KAZN: variants seen among roughly 807,000 people sequenced by gnomAD.
KAZN encodes kazrin.
In KAZN, 40 loss-of-function variants were observed where a neutral mutation model predicts 87.4. The observed-to-expected ratio is 0.46, with a 90% CI of 0.36 to 0.60. The LOEUF is 0.60. Among genes scored for constraint, KAZN ranks in the 20% least tolerant of loss-of-function variants. KAZN has a pLI of 0.00. For synonymous variants in KAZN, 466 were observed against 458.3 expected, an observed-to-expected ratio of 1.02 and a Z score of -0.22; for missense variants, 898 against 1,073.9, an observed-to-expected ratio of 0.84 and a Z score of 2.29.
At chr1:14,944,836 G>A (rs979642046) in intron 1 of KAZN, among the ~76,000 whole-genome samples, 24 of 152,228 alleles carry the variant, frequency 1.6e-4, no homozygotes, top group African/African-American at 5.5e-4. Flanking sequence ...ATATCAGCCC[G>A]CAGCAAGGCC....
At chr1:13,976,667 A>G (rs1386412278) in intron 1 of KAZN, among the ~76,000 whole-genome samples, 1 of 152,150 alleles carries the variant, frequency 6.6e-6, no homozygotes, top group Admixed American at 6.6e-5. Flanking sequence ...ACATGAATAT[A>G]AATGCATTTG....
chr1:14,857,285 G>A (rs1203554622), intron 1 of KAZN, among the ~76,000 whole-genome samples: 3 of 152,194 alleles, frequency 2.0e-5, no homozygotes, highest in Non-Finnish European at 4.4e-5. Flanking sequence ...AGCACTTTGG[G>A]AGGCTGAGGT....
chr1:14,678,087 T>C (rs1640342706), intron 1 of KAZN, among the ~76,000 whole-genome samples: 1 of 151,968 alleles, frequency 6.6e-6, no homozygotes, highest in Non-Finnish European at 1.5e-5. Context: ...AAGTGTCGAC[T>C]GGATTGGACT....
intron 2 of KAZN, among the ~76,000 whole-genome samples, chr1:14,527,527 C>G (rs1671944746): frequency 7.6e-6 from 1 of 132,016 alleles, no homozygotes; most frequent in Admixed American, 8.1e-5. Flanking sequence ...CCAGCCTGGG[C>G]AACAGAGTGA....
At chr1:14,497,757 G>C (rs559318259) in intron 2 of KAZN, among the ~76,000 whole-genome samples, 1 of 152,120 alleles carries the variant, frequency 6.6e-6, no homozygotes, top group South Asian at 2.1e-4. Flanking sequence ...ACAGCCACCC[G>C]ATCAACATAT....
intron 1 of KAZN, among the ~76,000 whole-genome samples, chr1:14,814,006 C>T (rs1336760528): frequency 1.3e-5 from 2 of 152,186 alleles, no homozygotes; most frequent in African/African-American, 2.4e-5. Context: ...GCCAGGGTAT[C>T]ACCATAACTT....
intron 2 of KAZN, among the ~76,000 whole-genome samples, chr1:14,541,093 T>A (rs988453237): frequency 4.6e-5 from 7 of 152,198 alleles, no homozygotes; most frequent in African/African-American, 7.2e-5. Context: ...AAGCTAATTA[T>A]CTTTTTCAAA....
chr1:15,055,365 TAC>T (rs1573205879), intron 4 of KAZN, among the ~76,000 whole-genome samples: 1 of 152,242 alleles, frequency 6.6e-6, no homozygotes, highest in East Asian at 1.9e-4. Flanking sequence ...TAATCCTAGC[TAC>T]ACGTGAGGTT....
intron 1 of KAZN, among the ~76,000 whole-genome samples, chr1:14,954,014 G>A (rs1662794281): frequency 6.6e-6 from 1 of 152,200 alleles, no homozygotes; most frequent in African/African-American, 2.4e-5. Flanking sequence ...GAAGGGCAAG[G>A]GTCTGCCCCA....
At chr1:13,928,278 G>T (rs1459254591) in intron 1 of KAZN, among the ~76,000 whole-genome samples, 1 of 152,076 alleles carries the variant, frequency 6.6e-6, no homozygotes, top group Non-Finnish European at 1.5e-5. Context: ...CTTTTGCTGG[G>T]TCCTTCTGGA....
chr1:14,594,334 G>C (rs773118527), upstream of KAZN, among the ~76,000 whole-genome samples: 5 of 152,176 alleles, frequency 3.3e-5, no homozygotes, highest in Non-Finnish European at 5.9e-5. Flanking sequence ...CTTTCTCTGA[G>C]CTACAGGGAA....
At chr1:14,207,975 C>T (rs1646778210) in intron 2 of KAZN, among the ~76,000 whole-genome samples, 1 of 152,198 alleles carries the variant, frequency 6.6e-6, no homozygotes, top group African/African-American at 2.4e-5. Context: ...TCTCCTGATG[C>T]ACATGCTTCA....
rs1639268797 is a variant in KAZN at position 15,066,990 on chromosome 1, A to C, written c.1222+1237A>C. 2.0e-6 allele frequency: 2 copies of C among 985,426 alleles called. No individual in the cohort carries two copies. The highest frequency in any genetic ancestry group is 2.4e-6 in the Non-Finnish European group (2 of 830,004). 61.0% of individuals were successfully genotyped at this position (985,426 alleles called of 1,614,324 possible). A position where few individuals can be genotyped will look rare whatever the true frequency, so the allele number is the denominator to read the frequency against. ...TCCCCTTCTTTGGGTCTGTCTTTTG[A>C]GAGAGGTTGAGTTCAGGGCAAGACA... is the stretch of plus-strand genomic sequence containing the variant. On this transcript the variant is annotated intron_variant, in intron 8 of 14. Coordinates refer to ENST00000376030, the MANE Select transcript of KAZN (RefSeq NM_201628.3). This position sits in a 1 kb window ranked among gnomAD's most constrained non-coding sequence, Gnocchi z 4.3.
intron 1 of KAZN, among the ~76,000 whole-genome samples, chr1:14,020,335 A>T (rs1009621471): frequency 1.3e-5 from 2 of 152,110 alleles, no homozygotes; most frequent in African/African-American, 4.8e-5. Flanking sequence ...ATAGGACACT[A>T]ATCAGCTTGG....
At chr1:14,337,503 A>G (rs576329698) in intron 2 of KAZN, among the ~76,000 whole-genome samples, 1 of 152,340 alleles carries the variant, frequency 6.6e-6, no homozygotes, top group Non-Finnish European at 1.5e-5. Context: ...AGAGTTTTAG[A>G]TGCATGTAAA....
chr1:14,506,625 G>C (rs1216639868), intron 2 of KAZN, among the ~76,000 whole-genome samples: 1 of 152,158 alleles, frequency 6.6e-6, no homozygotes, highest in Non-Finnish European at 1.5e-5. Flanking sequence ...CTGTTGTGAG[G>C]ATTGAATGAG....
At position 15,110,549 on chromosome 1, in the gene KAZN, T is replaced by TTGTGTGTGTGTGTGTGTGTG. The variant is rs71000365; in HGVS notation, c.2049-1859_2049-1858insGTGTGTGTGTGTGTGTGTGT. ...TGTGTTTGTGTGTGTGCATATGTGT[T>TTGTGTGTGTGTGTGTGTGTG]TGTGTGTGTGTGTGTGTGTATCCTC... is the stretch of plus-strand genomic sequence containing the variant. On this transcript the variant is annotated intron_variant, in intron 13 of 14. Coordinates refer to ENST00000376030, the MANE Select transcript of KAZN (RefSeq NM_201628.3). Among the ~76,000 whole-genome samples the TTGTGTGTGTGTGTGTGTGTG allele has an allele frequency of 9.0e-3, 1,330 of 148,048 alleles. 18 individuals carry two copies. The highest frequency in any genetic ancestry group is 0.032 in the African/African-American group (1,227 of 38,888).
chr1:14,238,328 GA>G (rs1648611870), intron 2 of KAZN, among the ~76,000 whole-genome samples: 1 of 152,330 alleles, frequency 6.6e-6, no homozygotes, highest in Non-Finnish European at 1.5e-5. Flanking sequence ...GGGACCAAAT[GA>G]GAAGGAAAAG....
At chr1:14,405,998 G>GCATA (rs1226406902) in intron 2 of KAZN, among the ~76,000 whole-genome samples, 1 of 152,144 alleles carries the variant, frequency 6.6e-6, no homozygotes, top group Non-Finnish European at 1.5e-5. Flanking sequence ...TGCACAAAAT[G>GCATA]AGAAGTAATG....
Sources: allele counts gnomAD v4.1 joint callset (sites outside exome capture counted in the v4.1 genomes callset), GRCh38; gene constraint gnomAD v4.1.1; non-coding constraint Gnocchi (gnomAD v3.1); transcripts MANE v1.5; gene names NCBI Gene and HGNC (gene_info 2026-07-23, HGNC 2026-07-21).